NSMCE2: variants seen among roughly 807,000 people sequenced by gnomAD.
NSMCE2 encodes the protein E3 SUMO-protein ligase NSE2.
NSMCE2 carries 24 observed loss-of-function variants against 23.8 expected under a neutral mutation model. That is an observed-to-expected ratio of 1.01 (90% CI 0.73 to 1.42). The LOEUF is 1.42. NSMCE2 is among the 40% of genes most tolerant of loss of function. The pLI is 0.00. For missense variants in NSMCE2, 284 were observed against 296.5 expected (o/e 0.96, Z 0.31); for synonymous variants, 92 against 94.1 (o/e 0.98, Z 0.13).
intron 4 of NSMCE2, among the ~76,000 whole-genome samples, chr8:125,152,036 C>T (rs957183419): frequency 2.6e-5 from 4 of 152,120 alleles, no homozygotes; most frequent in African/African-American, 9.7e-5. Flanking sequence ...AAATATTTTA[C>T]AAGATCAGTG....
chr8:125,118,765 A>G (rs1430640856), intron 3 of NSMCE2, among the ~76,000 whole-genome samples: 1 of 152,224 alleles, frequency 6.6e-6, no homozygotes, highest in African/African-American at 2.4e-5. Flanking sequence ...CAACTCTTCC[A>G]GGAATGAGGA....
chr8:125,253,106 G>C (rs1202423926), intron 5 of NSMCE2, among the ~76,000 whole-genome samples: 3 of 152,160 alleles, frequency 2.0e-5, no homozygotes, highest in African/African-American at 7.2e-5. Context: ...AAAGAAATTG[G>C]TGCCCTTCCC....
chr8:125,173,550 A>G (rs1045279220), intron 4 of NSMCE2, among the ~76,000 whole-genome samples: 36 of 152,230 alleles, frequency 2.4e-4, no homozygotes, highest in African/African-American at 8.7e-4. Flanking sequence ...AGAGCAATCC[A>G]TTAGCATCAT....
chr8:125,135,408 A>T (rs1463894783), intron 3 of NSMCE2, among the ~76,000 whole-genome samples: 2 of 152,012 alleles, frequency 1.3e-5, no homozygotes, highest in Non-Finnish European at 2.9e-5. Flanking sequence ...CAGTTTACCA[A>T]TTTTTTCTCT....
chr8:125,266,408 CTT>C (rs1481262195), intron 5 of NSMCE2, among the ~76,000 whole-genome samples: 2 of 152,206 alleles, frequency 1.3e-5, no homozygotes, highest in African/African-American at 4.8e-5. Context: ...TTCCTACAGA[CTT>C]TACTCTTTAG....
At chr8:125,174,193 A>G (rs780145710) in intron 4 of NSMCE2, among the ~76,000 whole-genome samples, 8 of 152,056 alleles carry the variant, frequency 5.3e-5, no homozygotes, top group Non-Finnish European at 1.2e-4. Context: ...GATTATTTGA[A>G]TATTTGTTTC....
intron 5 of NSMCE2, among the ~76,000 whole-genome samples, chr8:125,297,401 G>C (rs1200674167): frequency 1.3e-5 from 2 of 152,194 alleles, no homozygotes; most frequent in Non-Finnish European, 1.5e-5. Context: ...GGGACCTCCT[G>C]GGACAGGCAG....
At chr8:125,347,768 G>A (rs1812841494) in intron 5 of NSMCE2, among the ~76,000 whole-genome samples, 1 of 152,154 alleles carries the variant, frequency 6.6e-6, no homozygotes, top group Admixed American at 6.5e-5. Context: ...TGTGTTGGGT[G>A]GATTGAGTTG....
intron 5 of NSMCE2, among the ~76,000 whole-genome samples, chr8:125,213,485 G>GTCTCCTCTCCTCTCCTCTCCTCTCC (rs141971083): frequency 2.3e-4 from 17 of 75,146 alleles, no homozygotes; most frequent in African/African-American, 1.1e-3. Flanking sequence ...AGGCACCCAT[G>GTCTCCTCTCCTCTCCTCTCCTCTCC]TCTCCTCTCC....
intron 5 of NSMCE2, among the ~76,000 whole-genome samples, chr8:125,224,297 A>G (rs1825000445): frequency 6.6e-6 from 1 of 152,162 alleles, no homozygotes. Context: ...ACTATGCAGA[A>G]GCGTTTTAGT....
intron 5 of NSMCE2, among the ~76,000 whole-genome samples, chr8:125,313,004 G>A (rs1403324767): frequency 6.6e-6 from 1 of 151,878 alleles, no homozygotes; most frequent in Admixed American, 6.6e-5. Flanking sequence ...ACAGTGAGTA[G>A]AGGATGGGTC....
chr8:125,247,614 A>G (rs1159780135), intron 5 of NSMCE2, among the ~76,000 whole-genome samples: 2 of 151,810 alleles, frequency 1.3e-5, no homozygotes, highest in African/African-American at 4.8e-5. Context: ...AATCCCAGCT[A>G]CTCGGGAGGC....
chr8:125,270,370 C>CA (rs1391071627), intron 5 of NSMCE2, among the ~76,000 whole-genome samples: 1 of 152,158 alleles, frequency 6.6e-6, no homozygotes, highest in African/African-American at 2.4e-5. Context: ...GAGGCTAAGA[C>CA]ATGAGAATCA....
intron 5 of NSMCE2, among the ~76,000 whole-genome samples, chr8:125,317,198 CTT>C (rs879359907): frequency 3.5e-5 from 5 of 143,798 alleles, no homozygotes; most frequent in Non-Finnish European, 4.6e-5. Context: ...TCCTAAAGAT[CTT>C]TTTTTTTTTT....
chr8:125,318,009 T>A (rs1029439618), intron 5 of NSMCE2, among the ~76,000 whole-genome samples: 4 of 152,210 alleles, frequency 2.6e-5, no homozygotes, highest in African/African-American at 9.6e-5. Context: ...CAAATCAATG[T>A]GAAAATGACA....
intron 5 of NSMCE2, among the ~76,000 whole-genome samples, chr8:125,263,577 C>T (rs1421652401): frequency 6.6e-6 from 1 of 152,042 alleles, no homozygotes; most frequent in Non-Finnish European, 1.5e-5. Context: ...TGGTGAAACC[C>T]TGTCTCTACT....
At chr8:125,233,283 G>A (rs537713670) in intron 5 of NSMCE2, among the ~76,000 whole-genome samples, 3 of 152,140 alleles carry the variant, frequency 2.0e-5, no homozygotes, top group Non-Finnish European at 4.4e-5. Context: ...TAGAAGAAAA[G>A]AATTTTTAAA....
At chr8:125,307,356 C>T (rs945398267) in intron 5 of NSMCE2, among the ~76,000 whole-genome samples, 2 of 152,314 alleles carry the variant, frequency 1.3e-5, no homozygotes, top group South Asian at 2.1e-4. Flanking sequence ...GATAGGCAGG[C>T]GGCCAGCCAG....
At chr8:125,248,708 C>T (rs896010768) in intron 5 of NSMCE2, among the ~76,000 whole-genome samples, 1 of 152,052 alleles carries the variant, frequency 6.6e-6, no homozygotes, top group Non-Finnish European at 1.5e-5. Flanking sequence ...AGAGAAAGTC[C>T]AGCTATGCTA....
Sources: allele counts gnomAD v4.1 joint callset (sites outside exome capture counted in the v4.1 genomes callset), GRCh38; gene constraint gnomAD v4.1.1; transcripts MANE v1.5; gene names NCBI Gene and HGNC (gene_info 2026-07-23, HGNC 2026-07-21).